Variants in EXOC4 observed in about 807,000 individuals in gnomAD.
EXOC4 encodes the protein SEC8-like 1.
EXOC4 carries 71 observed loss-of-function variants against 107.2 expected under a neutral mutation model. That is an observed-to-expected ratio of 0.66 (90% confidence interval 0.55 to 0.81). The LOEUF is 0.81. Among genes scored for constraint, EXOC4 ranks in the 30% least tolerant of loss-of-function variants. The pLI, the probability that EXOC4 is intolerant of heterozygous loss-of-function variation, is 0.00. For missense variants in EXOC4, 1,108 were observed against 1,189.6 expected (o/e 0.93, Z 1.01); for synonymous variants, 456 against 441.2 (o/e 1.03, Z -0.42).
At chr7:133,627,196 G>A (rs187303172) in intron 9 of EXOC4, among the ~76,000 whole-genome samples, 60 of 152,238 alleles carry the variant, frequency 3.9e-4, no homozygotes, top group African/African-American at 1.1e-3. Context: ...TTTGAGACAG[G>A]GGCATTTGAC....
chr7:133,471,941 C>CT (rs1208002117), intron 7 of EXOC4, among the ~76,000 whole-genome samples: 2 of 152,100 alleles, frequency 1.3e-5, no homozygotes, highest in Non-Finnish European at 2.9e-5. Flanking sequence ...GTATAGCCAA[C>CT]TAGAGTGGCC....
chr7:133,851,069 C>T (rs1798231153), intron 11 of EXOC4, among the ~76,000 whole-genome samples: 2 of 152,184 alleles, frequency 1.3e-5, no homozygotes, highest in African/African-American at 4.8e-5. Context: ...TAAACACAGT[C>T]AGCTGTGATC....
chr7:134,035,931 G>A (rs908549996), intron 17 of EXOC4, among the ~76,000 whole-genome samples: 20 of 152,182 alleles, frequency 1.3e-4, no homozygotes, highest in African/African-American at 4.3e-4. Context: ...CTGTTGGCCA[G>A]AACTTGATCA....
At chr7:133,863,900 T>C (rs1483551362) in intron 11 of EXOC4, among the ~76,000 whole-genome samples, 2 of 152,102 alleles carry the variant, frequency 1.3e-5, no homozygotes, top group Non-Finnish European at 2.9e-5. Context: ...CAAAAGGCAG[T>C]GGGTGGCCAT....
chr7:133,965,656 A>AAG (rs1801047465), intron 14 of EXOC4, among the ~76,000 whole-genome samples: 7 of 152,040 alleles, frequency 4.6e-5, no homozygotes, highest in Non-Finnish European at 8.8e-5. Context: ...GTTATTTCTG[A>AAG]GTCCTCTGTT....
chr7:133,775,904 A>C (rs1277379396), intron 10 of EXOC4, among the ~76,000 whole-genome samples: 1 of 152,186 alleles, frequency 6.6e-6, no homozygotes, highest in African/African-American at 2.4e-5. Context: ...AGGAGATATA[A>C]GATTAGGCTC....
At chr7:133,592,179 G>A (rs528932234) in intron 9 of EXOC4, among the ~76,000 whole-genome samples, 5 of 152,000 alleles carry the variant, frequency 3.3e-5, no homozygotes, top group African/African-American at 4.8e-5. Flanking sequence ...TTCCTGGTTC[G>A]GCCCCATGGG....
In EXOC4 at chr7:133,778,802, AT is replaced by A. The variant is rs550528924; in HGVS notation, c.1515-38515del. On this transcript the variant is annotated intron_variant, in intron 10 of 17. Coordinates refer to ENST00000253861, the MANE Select transcript of EXOC4 (RefSeq NM_021807.4). ...TCTATAATGTGGTCTCTGTTATGTC[AT>A]TTTTTTTCTTTTAATTTAGTTCTAC... 6.1e-3 allele frequency among the ~76,000 whole-genome samples: 926 copies of A among 152,076 alleles called. 4 individuals are homozygous for A. The highest frequency in any genetic ancestry group is 0.018 in the African/African-American group (734 of 41,486).
chr7:133,337,960 C>T (rs1269290516), intron 5 of EXOC4, among the ~76,000 whole-genome samples: 1 of 151,222 alleles, frequency 6.6e-6, no homozygotes, highest in Admixed American at 6.6e-5. Context: ...TTTGTATTAT[C>T]TCTCTTTGTG....
At chr7:133,682,761 C>G (rs1433429059) in intron 10 of EXOC4, among the ~76,000 whole-genome samples, 1 of 152,160 alleles carries the variant, frequency 6.6e-6, no homozygotes, top group Non-Finnish European at 1.5e-5. Flanking sequence ...AAAGTAGTGG[C>G]AAACATCAGA....
At chr7:133,453,826 ATATGT>A (rs1434515907) in intron 7 of EXOC4, among the ~76,000 whole-genome samples, 4 of 152,136 alleles carry the variant, frequency 2.6e-5, no homozygotes, top group Non-Finnish European at 5.9e-5. Flanking sequence ...GTTCAGAATT[ATATGT>A]TATATGTTAA....
chr7:133,282,838 T>A (rs1316807975), intron 2 of EXOC4, among the ~76,000 whole-genome samples: 1 of 152,178 alleles, frequency 6.6e-6, no homozygotes, highest in Non-Finnish European at 1.5e-5. Context: ...TACATTGTTA[T>A]TAACTGTAGT....
chr7:133,991,816 T>C (rs6970545), intron 14 of EXOC4, among the ~76,000 whole-genome samples: 84,233 of 151,986 alleles, frequency 0.55, 24,207 homozygotes, highest in African/African-American at 0.69. Flanking sequence ...TCTATGTGTC[T>C]GTTTTTTATG....
At chr7:133,958,850 A>G (rs577042642) in intron 14 of EXOC4, among the ~76,000 whole-genome samples, 1 of 152,244 alleles carries the variant, frequency 6.6e-6, no homozygotes, top group African/African-American at 2.4e-5. Context: ...ACTGAGGGAC[A>G]TAAGTCATAG....
Position 133,480,297 on chromosome 7 carries a change from CAAGCAGGTA to C in EXOC4, c.1417+162_1417+170del. On this transcript the variant is annotated intron_variant, in intron 9 of 17. Coordinates refer to ENST00000253861, the MANE Select transcript of EXOC4 (RefSeq NM_021807.4). ...TCTGTAATTTCCCAGCATCTGCTGC[CAAGCAGGTA>C]AAACTATTACTGTGGCCATAGGACT... 4.1e-6 allele frequency: 6 copies of C among 1,459,492 alleles called. No individual in the cohort carries two copies. The South Asian group carries it at 8.3e-5, about 20-fold the overall frequency. 90.4% of individuals were successfully genotyped at this position (1,459,492 alleles called of 1,614,324 possible). A position where few individuals can be genotyped will look rare whatever the true frequency, so the allele number is the denominator to read the frequency against.
intron 11 of EXOC4, among the ~76,000 whole-genome samples, chr7:133,861,044 C>T (rs182385615): frequency 4.3e-4 from 65 of 152,272 alleles, no homozygotes; most frequent in Non-Finnish European, 8.7e-4. Flanking sequence ...ACTCAGCTGC[C>T]ACCTCCTTAA....
intron 10 of EXOC4, among the ~76,000 whole-genome samples, chr7:133,697,089 T>C (rs1051797903): frequency 6.6e-6 from 1 of 152,192 alleles, no homozygotes; most frequent in Non-Finnish European, 1.5e-5. Flanking sequence ...TCTCATACTA[T>C]AGGGTAAGGC....
chr7:133,640,471 G>T (rs764627339), intron 10 of EXOC4, among the ~76,000 whole-genome samples: 4 of 152,150 alleles, frequency 2.6e-5, no homozygotes, highest in Non-Finnish European at 5.9e-5. Context: ...AGAATCCTGT[G>T]ATCCTAAAAA....
intron 9 of EXOC4, among the ~76,000 whole-genome samples, chr7:133,591,491 T>C (rs959457645): frequency 1.3e-5 from 2 of 152,220 alleles, no homozygotes; most frequent in Admixed American, 6.5e-5. Flanking sequence ...ACAAAAATGT[T>C]TGAAACCCAT....
Sources: gnomAD v4.1 joint callset for allele counts (sites outside exome capture counted in the v4.1 genomes callset) on GRCh38, gnomAD v4.1.1 for gene constraint, MANE v1.5 for transcripts, NCBI Gene and HGNC (gene_info 2026-07-23, HGNC 2026-07-21) for gene names.